The following REG3A variants were observed in gnomAD, a reference collection of about 807,000 sequenced individuals.
The protein encoded by REG3A is regenerating family member 3 alpha.
Under a neutral mutation model 20.5 loss-of-function variants are expected in REG3A, and 15 were observed. That is an observed-to-expected ratio of 0.73 (90% CI 0.49 to 1.12). The LOEUF (loss-of-function observed/expected upper bound fraction) is 1.12, where lower values mean the gene tolerates loss of function less well. Among genes scored for constraint, REG3A ranks in the 50% most tolerant of loss-of-function variants. REG3A has a pLI of 0.00. For missense variants in REG3A, 224 were observed against 213.1 expected, an observed-to-expected ratio of 1.05 and a Z score of -0.32; for synonymous variants, 93 against 83.2, an observed-to-expected ratio of 1.12 and a Z score of -0.64.
chr2:79,158,293 A>G, intron 4 of REG3A, 33 bp downstream of exon 4: 1 of 1,605,076 alleles, frequency 6.2e-7, no homozygotes, highest in African/African-American at 1.3e-5. Context: ...TAGCACCTTG[A>G]GAGGTAACAG....
At chr2:79,158,214 T>C in intron 4 of REG3A, 112 bp downstream of exon 4, 4 of 1,268,692 alleles carry the variant, frequency 3.2e-6, no homozygotes, top group Non-Finnish European at 2.2e-6. Context: ...CCCCAGAATC[T>C]GAGCTCCAGT....
intron 4 of REG3A, 58 bp downstream of exon 4, chr2:79,158,268 G>A: frequency 6.3e-7 from 1 of 1,575,794 alleles, no homozygotes; most frequent in South Asian, 1.2e-5. Flanking sequence ...GACAGGGAGT[G>A]GGCCTGGGCA....
In REG3A at chr2:79,157,676, C is replaced by G; in HGVS notation, c.356G>C (p.Gly119Ala). 1 of 1,614,080 alleles carries G rather than the reference C, an allele frequency of 6.2e-7. No individual in the cohort carries two copies. The highest frequency in any genetic ancestry group is 8.5e-7 in the Non-Finnish European group (1 of 1,179,980). ...PTQGTEPNGE[G>A]WEWSSSDVMN... ...CACATCACTGCTACTCCACTCCCAA[C>G]CTTCTCCATTGGGCTCGGTGCCCTG... is the stretch of plus-strand genomic sequence containing the variant. Residue 119 changes from glycine (G) to alanine (A), a missense_variant, in exon 5 of 6, where the codon GGT becomes GCT. Transcript: ENST00000305165.
In REG3A at chr2:79,158,341, G is replaced by C; in HGVS notation, c.318C>G (p.Leu106=). The C allele has an allele frequency of 2.5e-6, 4 of 1,613,982 alleles. No homozygotes were observed. The highest frequency in any genetic ancestry group is 1.1e-5 in the South Asian group (1 of 91,054). ...ATACTGGCACCTGTGTGGGGTCATG[G>C]AGCCCAATCCAGACGTATGAGTAGC... ...GNSYSYVWIG[L]HDPTQGTEPN... The change falls in exon 4 of 6, where the codon CTC becomes CTG. Residue 106 remains leucine, a synonymous_variant. Transcript: ENST00000305165.
In REG3A at chr2:79,157,598, T is replaced by C. The variant is rs1372971620; in HGVS notation, c.434A>G (p.His145Arg). 1 of 1,614,048 alleles carries C rather than the reference T, an allele frequency of 6.2e-7. No individual in the cohort carries two copies. Among genetic ancestry groups the C allele is most frequent in the Non-Finnish European group, 8.5e-7 (1 of 1,180,014 alleles). ...RNPSTISSPG[H>R]CASLSRSTAF... ...TGTGCTTCTCGACAGGCTCGCACAGTGGCCGGGGCTTGAGATGGTGGAGGG... is the reference window on the plus strand; with the variant it reads ...TGTGCTTCTCGACAGGCTCGCACAGCGGCCGGGGCTTGAGATGGTGGAGGG... Residue 145 changes from histidine (H) to arginine (R), a missense_variant, in exon 5 of 6, where the codon CAC becomes CGC. Transcript: ENST00000305165.
Position 79,158,651 on chromosome 2 carries a change from A to T in REG3A, c.195T>A (p.Asp65Glu), listed in dbSNP as rs10169162. Residue 65 changes from aspartate to glutamate, a missense_variant and splice_region_variant, in exon 3 of 6, where the codon GAT (aspartate) becomes GAA (glutamate). Physicochemically the swap from Asp to Glu is conservative, Grantham distance 45. Coordinates refer to ENST00000305165, the MANE Select transcript of REG3A (RefSeq NM_002580.3). ...TCCAACACCACATCTAACCACTCACATCTGCATCTGTCCAGGATTTTGGTG... is the reference window on the plus strand; with the variant it reads ...TCCAACACCACATCTAACCACTCACTTCTGCATCTGTCCAGGATTTTGGTG... Reference protein sequence around the residue: ...FLSPKSWTDADLACQKRPSGN... With the variant: ...FLSPKSWTDAELACQKRPSGN... 2.0e-4 allele frequency: 318 copies of T among 1,614,100 alleles called. No homozygotes were observed. In the African/African-American group the frequency reaches 3.4e-3, roughly 17 times the overall value.
Position 79,157,745 on chromosome 2 carries a change from CTCT to C in REG3A, c.334-50_334-48del, listed in dbSNP as rs753096835. 50 of 1,591,434 alleles carry C rather than the reference CTCT, an allele frequency of 3.1e-5. 1 individual carries two copies. The African/African-American group carries it at 5.5e-4, about 18-fold the overall frequency. On this transcript the variant is annotated intron_variant, in intron 4 of 5. Transcript: ENST00000305165. ...CAGGTGAAGGGAATGGCCATTGCAG[CTCT>C]TCTTGCATGGCCCCTTAGCTGCAAC...
chr2:79,159,521 A>G (rs953713322), intron 1 of REG3A, 82 bp from the exon 2 acceptor site: 2 of 976,696 alleles, frequency 2.0e-6, no homozygotes, highest in South Asian at 1.5e-5. Flanking sequence ...CCCTAGGACT[A>G]AAGTGATCTT....
rs1673347637 is a variant in REG3A, at chr2:79,157,715, G to A, written c.334-17C>T. On this transcript the variant is annotated splice_polypyrimidine_tract_variant and intron_variant, in intron 4 of 5. Transcript: ENST00000305165. ...CTCGGTGCCCTGTAGAGTAGAGGAG[G>A]TAGCCAGGTGAAGGGAATGGCCATT... The A allele has an allele frequency of 1.2e-6, 2 of 1,611,156 alleles. No homozygotes were observed. Among genetic ancestry groups the A allele is most frequent in the Non-Finnish European group, 8.5e-7 (1 of 1,178,398 alleles).
rs139201953 is a variant in REG3A, at chr2:79,158,730, C to A, written c.116G>T (p.Arg39Leu). Reference sequence around the variant, plus strand: ...ATAGGCCTTGGAGCCTTTGGGACAGCGGATCCGTGCAGAGGGCAGTTCCCT... The same window carrying A: ...ATAGGCCTTGGAGCCTTTGGGACAGAGGATCCGTGCAGAGGGCAGTTCCCT... Reference protein sequence around the residue: ...PQRELPSARIRCPKGSKAYGS... With the variant: ...PQRELPSARILCPKGSKAYGS... The change falls in exon 3 of 6, where the codon CGC (arginine) becomes CTC (leucine). Residue 39 changes from arginine to leucine, a missense_variant. By Grantham distance (102) the Arg-to-Leu change is moderately radical. Transcript: ENST00000305165. 3.1e-6 allele frequency: 5 copies of A among 1,613,700 alleles called. No individual in the cohort carries two copies. Among genetic ancestry groups the A allele is most frequent in the Non-Finnish European group, 4.2e-6 (5 of 1,179,972 alleles).
rs1417241208 is a variant in REG3A, at chr2:79,158,646, C to T, written c.195+5G>A. 6.2e-7 allele frequency: 1 copy of T among 1,613,914 alleles called. No individual in the cohort carries two copies. The highest frequency in any genetic ancestry group is 8.5e-7 in the Non-Finnish European group (1 of 1,179,860). On this transcript the variant is annotated splice_donor_5th_base_variant and intron_variant, in intron 3 of 5. Transcript: ENST00000305165. ...TCACCTCCAACACCACATCTAACCA[C>T]TCACATCTGCATCTGTCCAGGATTT...
rs200652760 is a variant in REG3A, at chr2:79,157,623, G to C, written c.409C>G (p.Pro137Ala). The change falls in exon 5 of 6, where the codon CCC becomes GCC. Residue 137 changes from proline to alanine, a missense_variant. Physicochemically the swap from Pro to Ala is conservative, Grantham distance 27. Transcript: ENST00000305165. ...TGGCCGGGGCTTGAGATGGTGGAGG[G>C]ATTTCTCTCCCATGCAAAGTAATTC... ...VMNYFAWERN[P>A]STISSPGHCA... 6.2e-7 allele frequency: 1 copy of C among 1,614,138 alleles called. No individual in the cohort carries two copies. The highest frequency in any genetic ancestry group is 1.3e-5 in the African/African-American group (1 of 75,024).
At chr2:79,159,287 A>C in intron 2 of REG3A, 43 bp downstream of exon 2, 1 of 1,592,058 alleles carries the variant, frequency 6.3e-7, no homozygotes, top group Non-Finnish European at 8.6e-7. Flanking sequence ...GTTAGCTCTG[A>C]GGATTCATAG....
Position 79,159,574 on chromosome 2 carries a change from T to C in REG3A, c.-34-135A>G. On this transcript the variant is annotated intron_variant, in intron 1 of 5. Coordinates refer to ENST00000305165, the MANE Select transcript of REG3A (RefSeq NM_002580.3). ...TCTACAGTTCTGAATGAGTTGTGAATCTGTGTACTCTCCCATCCCCGAGCC... is the reference window on the plus strand; with the variant it reads ...TCTACAGTTCTGAATGAGTTGTGAACCTGTGTACTCTCCCATCCCCGAGCC... 8 of 664,478 alleles carry C rather than the reference T, an allele frequency of 1.2e-5. No homozygotes were observed. In the South Asian group the frequency reaches 1.3e-4, roughly 11 times the overall value. The allele number at this position is 664,478 out of a possible 1,614,324, so 41.2% of individuals were successfully genotyped here. A position where few individuals can be genotyped will look rare whatever the true frequency, so the allele number is the denominator to read the frequency against.
rs1181077589 is a variant in REG3A at position 79,159,318 on chromosome 2, A to G, written c.76+12T>C. ...CATAGGGAACCCAGTGCTAGAGGCA[A>G]AGCAATCTCACCTTGAACCTGAGAC... is the stretch of plus-strand genomic sequence containing the variant. On this transcript the variant is annotated intron_variant, in intron 2 of 5. Coordinates refer to ENST00000305165, the MANE Select transcript of REG3A (RefSeq NM_002580.3). 11 of 1,613,680 alleles carry G rather than the reference A, an allele frequency of 6.8e-6. No homozygotes were observed. The highest frequency in any genetic ancestry group is 4.0e-5 in the African/African-American group (3 of 74,844).
At chr2:79,159,485 C>G in intron 1 of REG3A, 46 bp from the exon 2 acceptor site, 1 of 1,384,206 alleles carries the variant, frequency 7.2e-7, no homozygotes, top group Non-Finnish European at 1.0e-6. Flanking sequence ...TACCCCACTG[C>G]CTCATGTCAT....
chr2:79,159,138 TTCCACTG>T (rs1673388336), intron 2 of REG3A, 185 bp downstream of exon 2: 2 of 618,848 alleles, frequency 3.2e-6, no homozygotes, highest in East Asian at 5.6e-5. Flanking sequence ...AGCCATCTCA[TTCCACTG>T]TTAGTGGACC....
Position 79,157,124 on chromosome 2 carries a change from G to T in REG3A, c.*102C>A. 2.3e-6 allele frequency: 2 copies of T among 879,218 alleles called. No homozygotes were observed. The highest frequency in any genetic ancestry group is 2.4e-5 in the East Asian group (1 of 41,416). The allele number at this position is 879,218 out of a possible 1,614,324, so 54.5% of individuals were successfully genotyped here. ...AGATAAGAATGAGGTGGTCAGGTTG[G>T]GGGAATTAAGCGAATATTCTCTTCC... On this transcript the variant is annotated 3_prime_UTR_variant, in exon 6 of 6. Coordinates refer to ENST00000305165, the MANE Select transcript of REG3A (RefSeq NM_002580.3).
Position 79,157,245 on chromosome 2 carries a change from A to T in REG3A, c.509T>A (p.Val170Asp). The T allele has an allele frequency of 6.2e-7, 1 of 1,613,996 alleles. No homozygotes were observed. The highest frequency in any genetic ancestry group is 8.5e-7 in the Non-Finnish European group (1 of 1,179,896). The change falls in exon 6 of 6, where the codon GTC (valine) becomes GAC (aspartate). Residue 170 changes from valine (V) to aspartate (D), a missense_variant. By Grantham distance (152) the Val-to-Asp change is radical. Coordinates refer to ENST00000305165, the MANE Select transcript of REG3A (RefSeq NM_002580.3). ...CCTGCACTAGTCAGTGAACTTGCAGACATAGGGTAACCTCACATTACAGTT... is the reference window on the plus strand; with the variant it reads ...CCTGCACTAGTCAGTGAACTTGCAGTCATAGGGTAACCTCACATTACAGTT... ...DYNCNVRLPY[V>D]CKFTD
Sources: allele counts gnomAD v4.1 joint callset, GRCh38; gene constraint gnomAD v4.1.1; transcripts MANE v1.5; gene names NCBI Gene and HGNC (gene_info 2026-07-23, HGNC 2026-07-21).